KIFAP3: variants seen among roughly 807,000 people sequenced by gnomAD.
KIFAP3 encodes kinesin-associated protein 3.
In KIFAP3, 68 loss-of-function variants were observed where a neutral mutation model predicts 106.5. The observed-to-expected ratio is 0.64, with a 90% CI of 0.53 to 0.78. KIFAP3 has a LOEUF of 0.78. Ranked by LOEUF, KIFAP3 falls within the 30% of genes least tolerant of loss-of-function variation. KIFAP3 has a pLI of 0.00. For synonymous variants in KIFAP3, 320 were observed against 311.5 expected (o/e 1.03, Z -0.29); for missense variants, 780 against 941.8 (o/e 0.83, Z 2.25).
chr1:169,971,516 A>G (rs1379211613), intron 17 of KIFAP3, among the ~76,000 whole-genome samples: 1 of 151,986 alleles, frequency 6.6e-6, no homozygotes, highest in Non-Finnish European at 1.5e-5. Context: ...ATTTAGTTCT[A>G]CACCAGTAAT....
upstream of KIFAP3, among the ~76,000 whole-genome samples, chr1:170,075,602 A>G (rs1462128523): frequency 6.6e-6 from 1 of 152,228 alleles, no homozygotes; most frequent in Non-Finnish European, 1.5e-5. Context: ...AAGGCACTGC[A>G]TGGTATATTA....
At chr1:169,951,373 G>GA (rs1664722691) in intron 19 of KIFAP3, among the ~76,000 whole-genome samples, 2 of 151,784 alleles carry the variant, frequency 1.3e-5, no homozygotes, top group Non-Finnish European at 1.5e-5. Context: ...CTTTTGATTT[G>GA]AAAAACAGTC....
intron 10 of KIFAP3, among the ~76,000 whole-genome samples, chr1:169,995,409 T>C (rs1040297526): frequency 3.3e-4 from 50 of 152,122 alleles, no homozygotes; most frequent in South Asian, 2.1e-4. Flanking sequence ...AAAGTTTCTC[T>C]TTCCCTGTGA....
chr1:170,042,403 ATC>A (rs1670025102), intron 3 of KIFAP3, among the ~76,000 whole-genome samples: 1 of 152,332 alleles, frequency 6.6e-6, no homozygotes, highest in East Asian at 1.9e-4. Flanking sequence ...CAGGTTCCTG[ATC>A]TCTCTGTGTG....
At chr1:169,938,779 C>T (rs1161764045) in intron 19 of KIFAP3, among the ~76,000 whole-genome samples, 1 of 152,060 alleles carries the variant, frequency 6.6e-6, no homozygotes, top group Non-Finnish European at 1.5e-5. Context: ...GGAAAAGATT[C>T]TCTGAAGAAG....
chr1:170,043,418 G>T (rs1241581131), intron 3 of KIFAP3, among the ~76,000 whole-genome samples: 1 of 152,178 alleles, frequency 6.6e-6, no homozygotes, highest in Non-Finnish European at 1.5e-5. Context: ...TGAGAAAAGG[G>T]ACTGTGCGAC....
At chr1:170,060,614 C>A (rs934473556) in intron 1 of KIFAP3, among the ~76,000 whole-genome samples, 3 of 152,216 alleles carry the variant, frequency 2.0e-5, no homozygotes, top group East Asian at 1.9e-4. Flanking sequence ...CAATGACATC[C>A]CCATCAAGCT....
intron 16 of KIFAP3, among the ~76,000 whole-genome samples, chr1:169,975,338 T>C (rs184481896): frequency 1.4e-3 from 220 of 152,220 alleles, no homozygotes; most frequent in African/African-American, 5.0e-3. Flanking sequence ...CTATCTCATA[T>C]ATCAAGTATT....
In KIFAP3 at chr1:169,982,854, TC is replaced by T; in HGVS notation, c.1519del (p.Asp507ThrfsTer15). ...TKNLFIDYVG[D>X]LAAQISNDEE... ...ATCATTAGAGATCTGGGCTGCAAGG[TC>T]CCCAACATAATCCTGAATAAAACAT... On this transcript the variant is annotated frameshift_variant, in exon 14 of 20. Coordinates refer to ENST00000361580, the MANE Select transcript of KIFAP3 (RefSeq NM_014970.4). LOFTEE classifies it high-confidence loss of function. 2.6e-6 allele frequency: 4 copies of T among 1,562,392 alleles called. No individual in the cohort carries two copies. The highest frequency in any genetic ancestry group is 1.2e-5 in the South Asian group (1 of 82,960).
At chr1:170,063,660 A>G (rs1300216683) in intron 1 of KIFAP3, among the ~76,000 whole-genome samples, 1 of 151,956 alleles carries the variant, frequency 6.6e-6, no homozygotes, top group African/African-American at 2.4e-5. Flanking sequence ...CCATAGACAC[A>G]CCCATGTGTG....
At chr1:170,056,095 G>A (rs1053873639) in intron 1 of KIFAP3, among the ~76,000 whole-genome samples, 2 of 150,940 alleles carry the variant, frequency 1.3e-5, no homozygotes, top group African/African-American at 4.9e-5. Context: ...GCAATAGAAC[G>A]AAACTCTGTC....
At chr1:170,051,645 T>C (rs749279733) in intron 2 of KIFAP3, among the ~76,000 whole-genome samples, 7 of 152,090 alleles carry the variant, frequency 4.6e-5, no homozygotes, top group Non-Finnish European at 8.8e-5. Flanking sequence ...ACAAACAGTC[T>C]CTCAGACCAC....
At chr1:170,048,499 A>G (rs758547752) in intron 2 of KIFAP3, among the ~76,000 whole-genome samples, 1 of 152,000 alleles carries the variant, frequency 6.6e-6, no homozygotes, top group Non-Finnish European at 1.5e-5. Flanking sequence ...TTGTGTGAAC[A>G]TGTTTTCAAC....
chr1:169,950,024 T>C (rs944520058), intron 19 of KIFAP3, among the ~76,000 whole-genome samples: 1 of 152,166 alleles, frequency 6.6e-6, no homozygotes, highest in Admixed American at 6.5e-5. Flanking sequence ...AAGGACCCCC[T>C]GACTTGGATT....
intron 8 of KIFAP3, among the ~76,000 whole-genome samples, chr1:170,031,148 C>A (rs557959921): frequency 6.6e-6 from 1 of 151,828 alleles, no homozygotes; most frequent in South Asian, 2.1e-4. Flanking sequence ...CTATTATTTT[C>A]TAGCATATTT....
intron 19 of KIFAP3, among the ~76,000 whole-genome samples, chr1:169,934,944 T>C (rs914943157): frequency 1.3e-5 from 2 of 152,044 alleles, no homozygotes; most frequent in African/African-American, 4.8e-5. Context: ...TTTTTCCCCA[T>C]AGTGTATAAA....
chr1:170,057,697 T>C (rs1290972530), intron 1 of KIFAP3, among the ~76,000 whole-genome samples: 1 of 151,824 alleles, frequency 6.6e-6, no homozygotes, highest in Non-Finnish European at 1.5e-5. Context: ...GCATTCACAA[T>C]GATGTCAGAT....
At chr1:169,964,891 T>C (rs1204264609) in intron 17 of KIFAP3, among the ~76,000 whole-genome samples, 1 of 152,194 alleles carries the variant, frequency 6.6e-6, no homozygotes, top group Non-Finnish European at 1.5e-5. Flanking sequence ...TGTCTGTGTA[T>C]GTGCTCAATT....
At chr1:170,054,779 G>C (rs1427344086) in intron 2 of KIFAP3, among the ~76,000 whole-genome samples, 1 of 152,040 alleles carries the variant, frequency 6.6e-6, no homozygotes, top group African/African-American at 2.4e-5. Flanking sequence ...CGGACACAGG[G>C]GAGGGAACAT....
Sources: allele counts gnomAD v4.1 joint callset (sites outside exome capture counted in the v4.1 genomes callset), GRCh38; gene constraint gnomAD v4.1.1; transcripts MANE v1.5; gene names NCBI Gene and HGNC (gene_info 2026-07-23, HGNC 2026-07-21).